Variants in ABCF1 observed in about 807,000 individuals in gnomAD.
ABCF1 encodes the protein ATP-binding cassette sub-family F member 1.
ABCF1 carries 73 observed loss-of-function variants against 126.3 expected under a neutral mutation model. The ratio of observed to expected loss-of-function variants is 0.58; its 90% CI spans 0.48 to 0.70. The LOEUF (loss-of-function observed/expected upper bound fraction) is 0.70, where lower values mean the gene tolerates loss of function less well. ABCF1 is among the 30% of genes least tolerant of loss of function. ABCF1 has a pLI of 0.00. For synonymous variants in ABCF1, 345 were observed against 396.4 expected (o/e 0.87, Z 1.54); for missense variants, 786 against 1,057.5 (o/e 0.74, Z 3.56).
chr6:30,571,892 G>A (rs1291611050), intron 1 of ABCF1, among the ~76,000 whole-genome samples: 1 of 152,038 alleles, frequency 6.6e-6, no homozygotes, highest in Non-Finnish European at 1.5e-5. Context: ...ATTCCACCAG[G>A]AATATATGAG....
chr6:30,571,614 G>A, intron 1 of ABCF1, 54 bp downstream of exon 1: 4 of 1,565,796 alleles, frequency 2.6e-6, no homozygotes, highest in Non-Finnish European at 3.5e-6. Context: ...AGAGGAGACT[G>A]CGCGTGTTTT....
At chr6:30,590,478 T>G (rs1262589521) in intron 24 of ABCF1, 57 bp from the exon 25 acceptor site, 28 of 1,581,474 alleles carry the variant, frequency 1.8e-5, no homozygotes, top group Non-Finnish European at 2.4e-5. Flanking sequence ...TTTCATGTTC[T>G]GATTCCCCTC....
chr6:30,588,350 T>A (rs1488391131), intron 20 of ABCF1, among the ~76,000 whole-genome samples: 1 of 152,126 alleles, frequency 6.6e-6, no homozygotes, highest in African/African-American at 2.4e-5. Flanking sequence ...ATGCAATTAC[T>A]TATTTCATAT....
rs1022151817 is a variant in ABCF1, at chr6:30,584,866, T to C, written c.1391+300T>C. Among the ~76,000 whole-genome samples, 2 of 152,082 alleles carry C rather than the reference T, an allele frequency of 1.3e-5. No individual in the cohort carries two copies. Among genetic ancestry groups the C allele is most frequent in the Non-Finnish European group, 2.9e-5 (2 of 67,996 alleles). On this transcript the variant is annotated intron_variant, in intron 14 of 24. Coordinates refer to ENST00000326195, the MANE Select transcript of ABCF1 (RefSeq NM_001025091.2). The surrounding 1 kb of genome is among the most constrained non-coding windows in gnomAD (Gnocchi z 4.6). ...GAGTTTGAGACCAGCCTGGGCAATA[T>C]AGTGAGACTCTATCTTCACAAAAGG... is the stretch of plus-strand genomic sequence containing the variant.
chr6:30,588,679 A>G (rs1024958044), intron 20 of ABCF1, among the ~76,000 whole-genome samples: 1 of 150,498 alleles, frequency 6.6e-6, no homozygotes, highest in African/African-American at 2.4e-5. Context: ...TTTTATTTGA[A>G]CTTTTGTAAT....
chr6:30,582,418 G>A lies in ABCF1; in HGVS notation c.703G>A (p.Glu235Lys). The stretch of plus-strand genomic sequence containing the variant: ...GGGTTCAGAGGAAGAAGGAGAAGGG[G>A]AAGAAGAGGAGGAGGAAGGAGGAGA... ...EQGSEEEGEG[E>K]EEEEEGGESK... The change falls in exon 9 of 25, where the codon GAA becomes AAA. Residue 235 changes from glutamate to lysine, a missense_variant. Glu to Lys is a moderately conservative substitution (Grantham distance 56). Transcript: ENST00000326195. 1.9e-6 allele frequency: 3 copies of A among 1,609,168 alleles called. No individual in the cohort carries two copies. Among genetic ancestry groups the A allele is most frequent in the South Asian group, 1.1e-5 (1 of 90,942 alleles).
rs1359177537 is a variant in ABCF1, at chr6:30,582,410, G to C, written c.695G>C (p.Gly232Ala). The change falls in exon 9 of 25, where the codon GGA (glycine) becomes GCA (alanine). Residue 232 changes from glycine (G) to alanine (A), a missense_variant. Physicochemically the swap from Gly to Ala is moderately conservative, Grantham distance 60. Coordinates refer to ENST00000326195, the MANE Select transcript of ABCF1 (RefSeq NM_001025091.2). ...KKAEQGSEEE[G>A]EGEEEEEEGG... ...TTCTCACAGGGTTCAGAGGAAGAAG[G>C]AGAAGGGGAAGAAGAGGAGGAGGAA... is the stretch of plus-strand genomic sequence containing the variant. 1 of 1,606,646 alleles carries C rather than the reference G, an allele frequency of 6.2e-7. No individual in the cohort carries two copies.
In ABCF1 at chr6:30,574,626, C is replaced by T. The variant is rs1402960090; in HGVS notation, c.74-2783C>T. Among the ~76,000 whole-genome samples the T allele has an allele frequency of 6.6e-6, 1 of 152,124 alleles. No homozygotes were observed. Among genetic ancestry groups the T allele is most frequent in the East Asian group, 1.9e-4 (1 of 5,198 alleles). ...AACTCCTTGGAATAGCATATAAAGC[C>T]TTTTATTATTAATCCTGCACAATTT... On this transcript the variant is annotated intron_variant, in intron 1 of 24. Coordinates refer to ENST00000326195, the MANE Select transcript of ABCF1 (RefSeq NM_001025091.2). The surrounding 1 kb of genome is among the most constrained non-coding windows in gnomAD (Gnocchi z 4.3).
intron 6 of ABCF1, among the ~76,000 whole-genome samples, chr6:30,579,665 C>T (rs2127408308): frequency 6.6e-6 from 1 of 151,988 alleles, no homozygotes; most frequent in South Asian, 2.1e-4. Flanking sequence ...ACCATGTTGA[C>T]CAGGATGGTC....
chr6:30,576,387 A>G (rs568247931), intron 1 of ABCF1, among the ~76,000 whole-genome samples: 20 of 141,624 alleles, frequency 1.4e-4, no homozygotes, highest in African/African-American at 4.4e-4. Context: ...TCCTGGGTTC[A>G]AGCAATTCTC....
Position 30,583,080 on chromosome 6 carries a change from C to G in ABCF1, c.807C>G (p.Arg269=). The change falls in exon 10 of 25, where the codon CGC becomes CGG. Residue 269 remains arginine (R), a synonymous_variant. Coordinates refer to ENST00000326195, the MANE Select transcript of ABCF1 (RefSeq NM_001025091.2). The surrounding 1 kb of genome is among the most constrained non-coding windows in gnomAD (Gnocchi z 4.1). Reference sequence around the variant, plus strand: ...TACCTTCTCAGATGGAGTATGAGCGCCAAGTGGCTTCATTAAAAGCAGCCA... The same window carrying G: ...TACCTTCTCAGATGGAGTATGAGCGGCAAGTGGCTTCATTAAAAGCAGCCA... ...KKLKKQMEYE[R]QVASLKAANA... is the part of the protein sequence containing the mutation. 6.2e-7 allele frequency: 1 copy of G among 1,609,924 alleles called. No homozygotes were observed. Among genetic ancestry groups the G allele is most frequent in the Non-Finnish European group, 8.5e-7 (1 of 1,177,334 alleles).
chr6:30,575,556 G>T (rs1291856174), intron 1 of ABCF1, among the ~76,000 whole-genome samples: 1 of 151,964 alleles, frequency 6.6e-6, no homozygotes, highest in Non-Finnish European at 1.5e-5. Flanking sequence ...AGGATGGAGA[G>T]GGGGAGAGCT....
In ABCF1 at chr6:30,591,492, G is replaced by C. The variant is rs950668422; in HGVS notation, c.*791G>C. 1.3e-5 allele frequency: 2 copies of C among 149,722 alleles called. No homozygotes were observed. Among genetic ancestry groups the C allele is most frequent in the Non-Finnish European group, 3.0e-5 (2 of 67,612 alleles). 9.3% of individuals were successfully genotyped at this position (149,722 alleles called of 1,614,324 possible). A position where few individuals can be genotyped will look rare whatever the true frequency, so the allele number is the denominator to read the frequency against. ...GGATTCCTTTCCCCCAACCCTTCAC[G>C]CAAGGAAAAAGCAAAGTGATTCATA... On this transcript the variant is annotated 3_prime_UTR_variant, in exon 25 of 25. Coordinates refer to ENST00000326195, the MANE Select transcript of ABCF1 (RefSeq NM_001025091.2).
rs1470339061 is a variant in ABCF1, at chr6:30,584,723, T to C, written c.1391+157T>C. ...GTGAGAACTTAGGGTCTTTCTCTAT[T>C]TATCTCCCTACTTGGTGGTGAGTTC... is the stretch of plus-strand genomic sequence containing the variant. On this transcript the variant is annotated intron_variant, in intron 14 of 24. Transcript: ENST00000326195. This position sits in a 1 kb window ranked among gnomAD's most constrained non-coding sequence, Gnocchi z 4.6. 6.6e-6 allele frequency among the ~76,000 whole-genome samples: 1 copy of C among 152,124 alleles called. No individual in the cohort carries two copies. The highest frequency in any genetic ancestry group is 1.9e-4 in the East Asian group (1 of 5,184).
chr6:30,578,491 C>A lies in ABCF1; in HGVS notation c.403C>A (p.Leu135Met). The change falls in exon 6 of 25, where the codon CTG (leucine) becomes ATG (methionine). Residue 135 changes from leucine (L) to methionine (M), a missense_variant. Leu to Met is a conservative substitution (Grantham distance 15). Around this residue, in one of 4 missense-constraint regions of ABCF1, gnomAD observed 322 missense variants for 322.9 expected, o/e 1.00. Coordinates refer to ENST00000326195, the MANE Select transcript of ABCF1 (RefSeq NM_001025091.2). ...CTAGGGTGGTAATGTTTTTGCAGCC[C>A]TGATTCAGGATCAGAGTGAGGAAGA... is the stretch of plus-strand genomic sequence containing the variant. ...KTKGGNVFAA[L>M]IQDQSEEEEE... is the part of the protein sequence containing the mutation. 6.2e-7 allele frequency: 1 copy of A among 1,613,936 alleles called. No homozygotes were observed. The highest frequency in any genetic ancestry group is 8.5e-7 in the Non-Finnish European group (1 of 1,179,992).
intron 1 of ABCF1, among the ~76,000 whole-genome samples, chr6:30,576,093 AAGG>A (rs993629958): frequency 6.7e-6 from 1 of 149,468 alleles, no homozygotes; most frequent in African/African-American, 2.5e-5. Context: ...AAAAAAAAAA[AAGG>A]AGGGTGTGTG....
chr6:30,585,475 C>G (rs1802066704), intron 15 of ABCF1, 83 bp from the exon 16 acceptor site: 1 of 1,595,948 alleles, frequency 6.3e-7, no homozygotes, highest in African/African-American at 1.3e-5. Context: ...CTTTCCCTCC[C>G]AGCCCCCGTT....
At position 30,584,570 on chromosome 6, in the gene ABCF1, G is replaced by A. The variant is rs369529254; in HGVS notation, c.1391+4G>A. On this transcript the variant is annotated splice_donor_region_variant and intron_variant, in intron 14 of 24. Transcript: ENST00000326195. This position sits in a 1 kb window ranked among gnomAD's most constrained non-coding sequence, Gnocchi z 4.6. ...GCATGCGTGTCTCCCTGGCCAGGTG[G>A]GCCATTCACCTCACTGCCCTCCCTT... is the stretch of plus-strand genomic sequence containing the variant. 11 of 1,590,414 alleles carry A rather than the reference G, an allele frequency of 6.9e-6. No individual in the cohort carries two copies. The African/African-American group carries it at 1.3e-4, about 19-fold the overall frequency.
At position 30,582,475 on chromosome 6, in the gene ABCF1, A is replaced by G. The variant is rs1435229987; in HGVS notation, c.760A>G (p.Ser254Gly). The G allele has an allele frequency of 1.9e-6, 3 of 1,613,060 alleles. No homozygotes were observed. The highest frequency in any genetic ancestry group is 2.5e-6 in the Non-Finnish European group (3 of 1,180,012). Residue 254 changes from serine (S) to glycine (G), a missense_variant, in exon 9 of 25, where the codon AGC (serine) becomes GGC (glycine). Around this residue, in one of 4 missense-constraint regions of ABCF1, gnomAD observed 322 missense variants for 322.9 expected, o/e 1.00. Coordinates refer to ENST00000326195, the MANE Select transcript of ABCF1 (RefSeq NM_001025091.2). Reference protein sequence around the residue: ...SKADDPYAHLSKKEKKKLKKQ... With the variant: ...SKADDPYAHLGKKEKKKLKKQ... ...GGCAGATGATCCCTATGCTCATCTT[A>G]GCAAAAAGGAGAAGAAAAAGCTGAA...
Sources: gnomAD v4.1 joint callset for allele counts (sites outside exome capture counted in the v4.1 genomes callset) on GRCh38, gnomAD v4.1.1 for gene constraint, gnomAD v4.1.1 regional missense constraint, Gnocchi (gnomAD v3.1) non-coding constraint, MANE v1.5 for transcripts, NCBI Gene and HGNC (gene_info 2026-07-23, HGNC 2026-07-21) for gene names.